Variants in EDARADD observed in about 807,000 individuals in gnomAD.
EDARADD encodes the protein EDAR associated via death domain.
EDARADD carries 20 observed loss-of-function variants against 25.6 expected under a neutral mutation model. The ratio of observed to expected loss-of-function variants is 0.78; its 90% CI spans 0.55 to 1.14. EDARADD has a LOEUF of 1.14. EDARADD is among the 50% of genes most tolerant of loss of function. The pLI, the probability that EDARADD is intolerant of heterozygous loss-of-function variation, is 0.00. For missense variants in EDARADD, 225 were observed against 270.1 expected, an observed-to-expected ratio of 0.83 and a Z score of 1.17; for synonymous variants, 86 against 94.4, an observed-to-expected ratio of 0.91 and a Z score of 0.52.
intron 4 of EDARADD, among the ~76,000 whole-genome samples, chr1:236,460,820 G>GTT (rs35583604): frequency 0.14 from 20,356 of 147,562 alleles, 1,383 homozygotes; most frequent in Non-Finnish European, 0.15. Flanking sequence ...GTTTTGTGGG[G>GTT]TTTTTTTTTT....
At chr1:236,466,995 A>G (rs1209153638) in intron 4 of EDARADD, among the ~76,000 whole-genome samples, 1 of 152,028 alleles carries the variant, frequency 6.6e-6, no homozygotes, top group Non-Finnish European at 1.5e-5. Flanking sequence ...TGAACCCAGG[A>G]GGCGGAGATG....
intron 1 of EDARADD, among the ~76,000 whole-genome samples, chr1:236,402,458 G>A (rs925420365): frequency 2.0e-5 from 3 of 152,152 alleles, no homozygotes; most frequent in African/African-American, 7.2e-5. Flanking sequence ...TACTCAAGAG[G>A]AGGTGGAAGG....
intron 4 of EDARADD, among the ~76,000 whole-genome samples, chr1:236,433,793 C>G (rs956124199): frequency 4.6e-5 from 7 of 151,844 alleles, no homozygotes; most frequent in Admixed American, 3.3e-4. Context: ...TTGCTTGAAC[C>G]CAGGAGGCAG....
At position 236,414,371 on chromosome 1, in the gene EDARADD, A is replaced by G. The variant is rs1225845857; in HGVS notation, c.160+72A>G. 4.8e-6 allele frequency: 6 copies of G among 1,240,878 alleles called. No individual in the cohort carries two copies. In the African/African-American group the frequency reaches 7.4e-5, roughly 15 times the overall value. 76.9% of individuals were successfully genotyped at this position (1,240,878 alleles called of 1,614,324 possible). A position where few individuals can be genotyped will look rare whatever the true frequency, so the allele number is the denominator to read the frequency against. ...TTGTGAACAAAGCACTAGTCGACCT[A>G]ATTTTTCATTATTTAAAATTGTAAA... On this transcript the variant is annotated intron_variant, in intron 3 of 5. Transcript: ENST00000334232.
At chr1:236,447,224 C>CCTT (rs1658581743) in intron 4 of EDARADD, among the ~76,000 whole-genome samples, 1 of 38,486 alleles carries the variant, frequency 2.6e-5, no homozygotes, top group African/African-American at 6.7e-5. Flanking sequence ...TTCTTTCTTT[C>CCTT]CTTTCTTTCC....
At chr1:236,418,565 T>A (rs1275016500) in intron 3 of EDARADD, among the ~76,000 whole-genome samples, 1 of 152,236 alleles carries the variant, frequency 6.6e-6, no homozygotes, top group Non-Finnish European at 1.5e-5. Flanking sequence ...AGACTAATGC[T>A]ACCCTTAAGA....
chr1:236,474,369 G>T (rs953959337), intron 5 of EDARADD, among the ~76,000 whole-genome samples: 15 of 152,116 alleles, frequency 9.9e-5, no homozygotes, highest in Non-Finnish European at 2.2e-4. Context: ...AATCCTCGGG[G>T]CTTTGGCCTT....
chr1:236,475,209 A>G (rs1461310880), intron 5 of EDARADD, among the ~76,000 whole-genome samples: 1 of 152,084 alleles, frequency 6.6e-6, no homozygotes, highest in Non-Finnish European at 1.5e-5. Flanking sequence ...CATTTTTGAG[A>G]AAGATTTCTT....
At chr1:236,481,929 CG>C (rs1659687227) in intron 5 of EDARADD, among the ~76,000 whole-genome samples, 1 of 151,670 alleles carries the variant, frequency 6.6e-6, no homozygotes, top group East Asian at 1.9e-4. Flanking sequence ...CTGGCTAACA[CG>C]GTGAAACCCC....
chr1:236,378,322 G>T (rs1160635819), intron 3 of EDARADD, among the ~76,000 whole-genome samples: 1 of 152,196 alleles, frequency 6.6e-6, no homozygotes, highest in Non-Finnish European at 1.5e-5. Flanking sequence ...GAACCTGGGG[G>T]AGCTTCTAAG....
chr1:236,409,476 T>G (rs1444860394), intron 2 of EDARADD, among the ~76,000 whole-genome samples: 1 of 152,174 alleles, frequency 6.6e-6, no homozygotes, highest in African/African-American at 2.4e-5. Context: ...TGGCGTTAGA[T>G]TCTTTTCTTC....
chr1:236,480,256 TTC>T (rs1659636021), intron 5 of EDARADD, among the ~76,000 whole-genome samples: 1 of 151,790 alleles, frequency 6.6e-6, no homozygotes, highest in African/African-American at 2.4e-5. Flanking sequence ...CCATATTGTC[TTC>T]ATAGTTACTT....
chr1:236,363,006 A>AAAAAAATATATATATATATAT (rs1377112051), intron 3 of EDARADD, among the ~76,000 whole-genome samples: 1 of 42,948 alleles, frequency 2.3e-5, no homozygotes, highest in African/African-American at 1.1e-4. Flanking sequence ...AAAAAAAAAA[A>AAAAAAATATATATATATATAT]ATATATATAT....
At position 236,452,398 on chromosome 1, in the gene EDARADD, G is replaced by T. The variant is rs561675250; in HGVS notation, c.220-15833G>T. On this transcript the variant is annotated intron_variant, in intron 4 of 5. Coordinates refer to ENST00000334232, the MANE Select transcript of EDARADD (RefSeq NM_145861.4). ...CCATGTGTCTTAGGAGGGAGCTGGT[G>T]GGAGGTGATTGGATCACGGGGGTGG... Among the ~76,000 whole-genome samples the T allele has an allele frequency of 3.3e-5, 5 of 152,304 alleles. No homozygotes were observed. The South Asian group carries it at 1.0e-3, about 32-fold the overall frequency.
intron 4 of EDARADD, among the ~76,000 whole-genome samples, chr1:236,467,905 G>A (rs1389889191): frequency 3.3e-5 from 5 of 152,178 alleles, no homozygotes; most frequent in East Asian, 1.9e-4. Context: ...CTGCAGGCAC[G>A]AACTATGGTG....
At chr1:236,351,695 C>T (rs1049805463) in intron 3 of EDARADD, among the ~76,000 whole-genome samples, 3 of 125,494 alleles carry the variant, frequency 2.4e-5, no homozygotes, top group Admixed American at 8.9e-5. Flanking sequence ...GGCAACAGAG[C>T]GAGACTCTGT....
intron 3 of EDARADD, among the ~76,000 whole-genome samples, chr1:236,382,724 CAAGACCCTTTTGTGTACTCTACCA>C (rs1175098707): frequency 6.6e-6 from 1 of 152,190 alleles, no homozygotes; most frequent in Non-Finnish European, 1.5e-5. Context: ...ACTATTCAGG[CAAGACCCTTTTGTGTACTCTACCA>C]AATGCTCATG....
intron 4 of EDARADD, among the ~76,000 whole-genome samples, chr1:236,465,310 G>A (rs183938323): frequency 5.9e-5 from 9 of 152,304 alleles, no homozygotes; most frequent in Admixed American, 2.6e-4. Context: ...ACTCCCTGTT[G>A]TCCGGAATGA....
Position 236,484,144 on chromosome 1 carries a change from G to A in EDARADD, c.*1495G>A. ...GATCTCAGAGTGACCAACCCAAAGA[G>A]GACAGCCTCGGCCGTGAATGAGAAG... On this transcript the variant is annotated 3_prime_UTR_variant, in exon 6 of 6. Transcript: ENST00000334232. The surrounding 1 kb of genome is among the most constrained non-coding windows in gnomAD (Gnocchi z 4.1). The A allele has an allele frequency of 7.2e-7, 1 of 1,396,664 alleles. No homozygotes were observed. Among genetic ancestry groups the A allele is most frequent in the Non-Finnish European group, 1.0e-6 (1 of 982,886 alleles). The allele number at this position is 1,396,664 out of a possible 1,614,324, so 86.5% of individuals were successfully genotyped here. A position where few individuals can be genotyped will look rare whatever the true frequency, so the allele number is the denominator to read the frequency against.
Sources: allele counts gnomAD v4.1 joint callset (sites outside exome capture counted in the v4.1 genomes callset), GRCh38; gene constraint gnomAD v4.1.1; non-coding constraint Gnocchi (gnomAD v3.1); transcripts MANE v1.5; gene names NCBI Gene and HGNC (gene_info 2026-07-23, HGNC 2026-07-21).